Variants in ANK1 observed in about 807,000 individuals in gnomAD.
ANK1 encodes the protein ankyrin 1.
In ANK1, 51 loss-of-function variants were observed where a neutral mutation model predicts 210.4. The ratio of observed to expected loss-of-function variants is 0.24; its 90% CI spans 0.19 to 0.31. ANK1 has a LOEUF of 0.31. Among genes scored for constraint, ANK1 ranks in the 10% least tolerant of loss-of-function variants. The pLI is 1.00. For synonymous variants in ANK1, 967 were observed against 1,025.9 expected (o/e 0.94, Z 1.10); for missense variants, 2,051 against 2,504.4 (o/e 0.82, Z 3.86).
intron 1 of ANK1, among the ~76,000 whole-genome samples, chr8:41,809,160 T>C (rs1802088385): frequency 6.6e-6 from 1 of 152,218 alleles, no homozygotes; most frequent in African/African-American, 2.4e-5. Context: ...TTTGATCTCA[T>C]GCCTTACGGG....
At chr8:41,673,438 C>T (rs1486747623) in intron 37 of ANK1, among the ~76,000 whole-genome samples, 3 of 152,140 alleles carry the variant, frequency 2.0e-5, no homozygotes, top group Non-Finnish European at 2.9e-5. Context: ...CTTGAGGGGC[C>T]TATCAGGGTA....
upstream of ANK1, among the ~76,000 whole-genome samples, chr8:41,801,071 T>G (rs917688368): frequency 8.5e-5 from 13 of 152,228 alleles, no homozygotes; most frequent in Admixed American, 7.2e-4. Flanking sequence ...TTATTCCTTT[T>G]CACTGCTGTG....
intron 37 of ANK1, 188 bp downstream of exon 37, chr8:41,684,356 G>T: frequency 2.1e-6 from 2 of 952,996 alleles, no homozygotes; most frequent in Non-Finnish European, 3.3e-6. Flanking sequence ...CACAGGAGCA[G>T]CCATCTCTCT....
At position 41,694,655 on chromosome 8, in the gene ANK1, C is replaced by T. The variant is rs753313112; in HGVS notation, c.3264G>A (p.Val1088=). 3 of 1,614,122 alleles carry T rather than the reference C, an allele frequency of 1.9e-6. No individual in the cohort carries two copies. The highest frequency in any genetic ancestry group is 2.5e-6 in the Non-Finnish European group (3 of 1,180,018). The change falls in exon 28 of 43, where the codon GTG becomes GTA. Residue 1088 remains valine (V), a synonymous_variant. Transcript: ENST00000289734. This position sits in a 1 kb window ranked among gnomAD's most constrained non-coding sequence, Gnocchi z 5.7. Reference sequence around the variant, plus strand: ...CCGGGAACGTTGCCTGTACCAGGGGCACCAGCTTGCTCTTCAGGGAGCCCC... The same window carrying T: ...CCGGGAACGTTGCCTGTACCAGGGGTACCAGCTTGCTCTTCAGGGAGCCCC... ...PEGGSLKSKL[V]PLVQATFPEN... is the part of the protein sequence containing the mutation.
At chr8:41,740,655 G>T (rs1834559553) in intron 2 of ANK1, among the ~76,000 whole-genome samples, 1 of 152,132 alleles carries the variant, frequency 6.6e-6, no homozygotes, top group African/African-American at 2.4e-5. Flanking sequence ...GTGTATCTCT[G>T]TATGCGTGCA....
intron 1 of ANK1, among the ~76,000 whole-genome samples, chr8:41,846,751 C>T (rs1047375706): frequency 6.6e-6 from 1 of 152,228 alleles, no homozygotes; most frequent in Non-Finnish European, 1.5e-5. Flanking sequence ...GTTCTCACAG[C>T]TGGAGGATAC....
intron 22 of ANK1, among the ~76,000 whole-genome samples, chr8:41,700,637 C>A (rs1341883837): frequency 2.0e-5 from 3 of 152,232 alleles, no homozygotes; most frequent in African/African-American, 7.2e-5. Flanking sequence ...CACTATTCAA[C>A]ATCCTCAGAG....
intron 38 of ANK1, 69 bp downstream of exon 38, chr8:41,672,285 G>T: frequency 6.4e-7 from 1 of 1,554,738 alleles, no homozygotes; most frequent in Non-Finnish European, 8.8e-7. Flanking sequence ...TGTCCTCACT[G>T]CCAGGCATAA....
chr8:41,784,997 G>A (rs937792215), intron 1 of ANK1, among the ~76,000 whole-genome samples: 5 of 152,330 alleles, frequency 3.3e-5, no homozygotes, highest in African/African-American at 4.8e-5. Flanking sequence ...GAAGAGCGAC[G>A]CTGGGCTTTG....
chr8:41,683,186 A>G (rs1306997091), intron 37 of ANK1, among the ~76,000 whole-genome samples: 3 of 152,244 alleles, frequency 2.0e-5, no homozygotes, highest in East Asian at 3.8e-4. Context: ...GGGCCATGAC[A>G]TGCATGTGGA....
intron 1 of ANK1, among the ~76,000 whole-genome samples, chr8:41,805,134 TTC>T (rs548570443): frequency 2.7e-5 from 4 of 146,758 alleles, no homozygotes; most frequent in Non-Finnish European, 5.9e-5. Context: ...CTCTCTTTCT[TTC>T]TCTCTCTCTC....
intron 35 of ANK1, among the ~76,000 whole-genome samples, 161 bp downstream of exon 35, chr8:41,687,995 A>G (rs80306626): frequency 0.011 from 1,727 of 152,332 alleles, 20 homozygotes; most frequent in Non-Finnish European, 0.019. Context: ...TGGGCAGCCA[A>G]TGGTGTGGCT....
At chr8:41,750,710 A>T (rs145805266) in intron 2 of ANK1, among the ~76,000 whole-genome samples, 7 of 152,344 alleles carry the variant, frequency 4.6e-5, no homozygotes, top group African/African-American at 1.4e-4. Context: ...ATAAGCAGAC[A>T]CATACATGCA....
chr8:41,842,830 C>T (rs368055154), intron 1 of ANK1, among the ~76,000 whole-genome samples: 1 of 152,110 alleles, frequency 6.6e-6, no homozygotes, highest in African/African-American at 2.4e-5. Context: ...TTACTGAACA[C>T]ATTTTTGGGG....
intron 1 of ANK1, among the ~76,000 whole-genome samples, chr8:41,804,585 T>C (rs1850642827): frequency 6.6e-6 from 1 of 152,188 alleles, no homozygotes; most frequent in African/African-American, 2.4e-5. Flanking sequence ...GATTAATTAA[T>C]TGCCCGCAAA....
rs368239609 is a variant in ANK1 at position 41,767,184 on chromosome 8, C to G, written c.28-9047G>C. ...AAGCCTCGGCAGCAGAAGGGCAGCC[C>G]CAGCGCGCGCACCCGCACCCGCCGG... is the stretch of plus-strand genomic sequence containing the variant. On this transcript the variant is annotated intron_variant, in intron 1 of 42. Coordinates refer to ENST00000289734, the MANE Select transcript of ANK1 (RefSeq NM_000037.4). Among the ~76,000 whole-genome samples, 61 of 152,214 alleles carry G rather than the reference C, an allele frequency of 4.0e-4. No individual in the cohort carries two copies. The South Asian group carries it at 0.012, about 29-fold the overall frequency.
At position 41,664,699 on chromosome 8, in the gene ANK1, G is replaced by C. The variant is rs906151602; in HGVS notation, c.5395-957C>G. ...GGGGGCCTCCTGGTCCTTTTCCTCCGGCGTCTCCCAACTCTGGGTCCGGAG... is the reference window on the plus strand; with the variant it reads ...GGGGGCCTCCTGGTCCTTTTCCTCCCGCGTCTCCCAACTCTGGGTCCGGAG... On this transcript the variant is annotated intron_variant, in intron 39 of 42. Transcript: ENST00000289734. The C allele has an allele frequency of 3.4e-6, 4 of 1,162,358 alleles. No individual in the cohort carries two copies. The African/African-American group carries it at 6.1e-5, about 18-fold the overall frequency. The allele number at this position is 1,162,358 out of a possible 1,614,324, so 72.0% of individuals were successfully genotyped here.
chr8:41,702,515 G>A (rs928225160), intron 20 of ANK1, among the ~76,000 whole-genome samples: 6 of 152,326 alleles, frequency 3.9e-5, no homozygotes, highest in African/African-American at 1.4e-4. Flanking sequence ...TGAGGACAGA[G>A]GAAGGCTGCT....
chr8:41,757,102 T>C (rs1839345730), intron 2 of ANK1, among the ~76,000 whole-genome samples: 1 of 152,240 alleles, frequency 6.6e-6, no homozygotes, highest in African/African-American at 2.4e-5. Flanking sequence ...TGAAAAGAGT[T>C]CTGGAGATGG....
Sources: allele counts gnomAD v4.1 joint callset (sites outside exome capture counted in the v4.1 genomes callset), GRCh38; gene constraint gnomAD v4.1.1; non-coding constraint Gnocchi (gnomAD v3.1); transcripts MANE v1.5; gene names NCBI Gene and HGNC (gene_info 2026-07-23, HGNC 2026-07-21).